The following PCNX2 variants were observed in gnomAD, a reference collection of about 807,000 sequenced individuals.
PCNX2 encodes pecanex 2, also known as pecanex-like protein 2.
In PCNX2, 168 loss-of-function variants were observed where a neutral mutation model predicts 223.8. That is an observed-to-expected ratio of 0.75 (90% CI 0.66 to 0.85). The LOEUF (loss-of-function observed/expected upper bound fraction) is 0.85, where lower values mean the gene tolerates loss of function less well. Among genes scored for constraint, PCNX2 ranks in the 40% least tolerant of loss-of-function variants. PCNX2 has a pLI of 0.00. For synonymous variants in PCNX2, 1,006 were observed against 1,052.6 expected (o/e 0.96, Z 0.86); for missense variants, 2,507 against 2,675.5 (o/e 0.94, Z 1.39).
intron 19 of PCNX2, among the ~76,000 whole-genome samples, chr1:233,145,763 A>G (rs1432330117): frequency 6.6e-6 from 1 of 152,160 alleles, no homozygotes; most frequent in East Asian, 1.9e-4. Flanking sequence ...GTAACTTTTA[A>G]TTGGTATTTT....
At chr1:233,292,127 A>G in intron 1 of PCNX2, 1 of 744,916 alleles carries the variant, frequency 1.3e-6, no homozygotes, top group Non-Finnish European at 1.6e-6. Context: ...AATAATAAAA[A>G]TATTTAAAAT....
rs1001230214 is a variant in PCNX2, at chr1:232,991,669, A to T, written c.5792-5129T>A. The stretch of plus-strand genomic sequence containing the variant: ...CGTGTGGACACAGAGAAGTACAGGG[A>T]GAACATGATGTGAAGACCAAGCCAG... On this transcript the variant is annotated intron_variant, in intron 32 of 33. Transcript: ENST00000258229. This position sits in a 1 kb window ranked among gnomAD's most constrained non-coding sequence, Gnocchi z 4.3. 6.6e-6 allele frequency among the ~76,000 whole-genome samples: 1 copy of T among 152,102 alleles called. No individual in the cohort carries two copies. Among genetic ancestry groups the T allele is most frequent in the Non-Finnish European group, 1.5e-5 (1 of 68,004 alleles).
intron 8 of PCNX2, among the ~76,000 whole-genome samples, chr1:233,244,659 C>T (rs552692218): frequency 1.8e-4 from 27 of 151,784 alleles, no homozygotes; most frequent in Non-Finnish European, 2.4e-4. Context: ...TGTGGTGAGC[C>T]GAGATCACAT....
chr1:233,064,064 A>G (rs1478117189), intron 23 of PCNX2, among the ~76,000 whole-genome samples: 2 of 150,226 alleles, frequency 1.3e-5, no homozygotes, highest in Admixed American at 1.3e-4. Flanking sequence ...TTATTTCTTT[A>G]CTTATCTTTA....
chr1:233,058,707 C>T (rs1433960786), intron 23 of PCNX2, among the ~76,000 whole-genome samples: 1 of 142,864 alleles, frequency 7.0e-6, no homozygotes. Context: ...CGCTCTGTCA[C>T]CAGGATGGAG....
intron 17 of PCNX2, among the ~76,000 whole-genome samples, chr1:233,167,033 T>C (rs1300993913): frequency 6.6e-6 from 1 of 152,110 alleles, no homozygotes; most frequent in Non-Finnish European, 1.5e-5. Flanking sequence ...GCAACCTCTC[T>C]TCTAGGCATA....
At chr1:233,036,605 G>T (rs1199508928) in intron 25 of PCNX2, among the ~76,000 whole-genome samples, 1 of 150,784 alleles carries the variant, frequency 6.6e-6, no homozygotes, top group Non-Finnish European at 1.5e-5. Context: ...ACTCCAGCCT[G>T]GGCAACAGAG....
At chr1:233,172,839 T>G (rs1245924667) in intron 17 of PCNX2, among the ~76,000 whole-genome samples, 1 of 152,214 alleles carries the variant, frequency 6.6e-6, no homozygotes, top group Admixed American at 6.5e-5. Flanking sequence ...TAACCTGCCA[T>G]AATATCAGAA....
intron 21 of PCNX2, among the ~76,000 whole-genome samples, chr1:233,127,841 C>T (rs77343154): frequency 0.036 from 5,552 of 152,278 alleles, 121 homozygotes; most frequent in African/African-American, 0.072. Context: ...TTACTAATAA[C>T]CTTTGGATAA....
intron 12 of PCNX2, among the ~76,000 whole-genome samples, chr1:233,209,167 G>C (rs991927084): frequency 6.6e-6 from 1 of 152,158 alleles, no homozygotes; most frequent in Non-Finnish European, 1.5e-5. Context: ...GACAATATGG[G>C]TATGAAGTTA....
Position 233,017,112 on chromosome 1 carries a change from A to T in PCNX2, c.4648T>A (p.Trp1550Arg). 4 of 1,567,736 alleles carry T rather than the reference A, an allele frequency of 2.6e-6. No individual in the cohort carries two copies. The highest frequency in any genetic ancestry group is 3.4e-6 in the Non-Finnish European group (4 of 1,160,704). Residue 1550 changes from tryptophan to arginine, a missense_variant, in exon 27 of 34, where the codon TGG becomes AGG. Transcript: ENST00000258229. ...TTCAGAAGTGATTCATTTTTGATCC[A>T]GGAGAGGAGTTTGGGAGACGTTACC... Reference protein sequence around the residue: ...YMVTSPKLLSWIKNESLLKSL... With the variant: ...YMVTSPKLLSRIKNESLLKSL...
intron 27 of PCNX2, among the ~76,000 whole-genome samples, chr1:233,016,593 C>T (rs1398815975): frequency 6.6e-6 from 1 of 152,172 alleles, no homozygotes; most frequent in African/African-American, 2.4e-5. Flanking sequence ...GATTTCAGCA[C>T]AGACACACTT....
chr1:233,275,635 GGATCTGGCAATTCCACT>G (rs1417186232), intron 1 of PCNX2, among the ~76,000 whole-genome samples: 3 of 152,148 alleles, frequency 2.0e-5, no homozygotes, highest in Admixed American at 2.0e-4. Context: ...AATTAACATA[GGATCTGGCAATTCCACT>G]TTTGGGTATA....
chr1:233,023,177 G>A (rs1443730711), intron 26 of PCNX2, among the ~76,000 whole-genome samples: 1 of 152,140 alleles, frequency 6.6e-6, no homozygotes, highest in African/African-American at 2.4e-5. Context: ...ACCCTGTCCT[G>A]CCTCCTGAAA....
intron 25 of PCNX2, among the ~76,000 whole-genome samples, chr1:233,046,083 C>G (rs1035890957): frequency 1.3e-5 from 2 of 152,242 alleles, no homozygotes; most frequent in Admixed American, 1.3e-4. Context: ...AGGATACTTT[C>G]TTGGTCCACA....
At position 233,288,825 on chromosome 1, in the gene PCNX2, T is replaced by A; in HGVS notation, c.153+6501A>T. 3 of 679,232 alleles carry A rather than the reference T, an allele frequency of 4.4e-6. No homozygotes were observed. In the South Asian group the frequency reaches 6.0e-5, roughly 14 times the overall value. 42.1% of individuals were successfully genotyped at this position (679,232 alleles called of 1,614,324 possible). On this transcript the variant is annotated intron_variant, in intron 1 of 33. Transcript: ENST00000258229. ...TGCCCTTTTTTTTTTTTTTTTTTTT[T>A]TACTGTGAATATATATTTTTTATTT...
intron 20 of PCNX2, 121 bp from the exon 21 acceptor site, chr1:233,135,311 C>A (rs1260350336): frequency 9.5e-7 from 1 of 1,053,844 alleles, no homozygotes; most frequent in East Asian, 2.6e-5. Context: ...CACAAAAAGC[C>A]AATCTAAGGG....
chr1:233,130,310 C>G (rs1676397748), intron 21 of PCNX2, among the ~76,000 whole-genome samples: 1 of 151,966 alleles, frequency 6.6e-6, no homozygotes, highest in Non-Finnish European at 1.5e-5. Context: ...CCCCCTCAAC[C>G]CCCCCACCCA....
intron 27 of PCNX2, among the ~76,000 whole-genome samples, chr1:233,015,170 T>C (rs1300518751): frequency 6.6e-6 from 1 of 152,038 alleles, no homozygotes. Context: ...TTGGATCCAA[T>C]GTGAAGGAGA....
Sources: gnomAD v4.1 joint callset for allele counts (sites outside exome capture counted in the v4.1 genomes callset) on GRCh38, gnomAD v4.1.1 for gene constraint, Gnocchi (gnomAD v3.1) non-coding constraint, MANE v1.5 for transcripts, NCBI Gene and HGNC (gene_info 2026-07-23, HGNC 2026-07-21) for gene names.